TRIM2: variants seen among roughly 807,000 people sequenced by gnomAD.
TRIM2 encodes tripartite motif containing 2.
TRIM2 carries 20 observed loss-of-function variants against 75.2 expected under a neutral mutation model. That is an observed-to-expected ratio of 0.27 (90% CI 0.19 to 0.39). The LOEUF is 0.39. Ranked by LOEUF, TRIM2 falls within the 10% of genes least tolerant of loss-of-function variation. TRIM2 has a pLI of 1.00. For missense variants in TRIM2, 660 were observed against 990.8 expected (o/e 0.67, Z 4.48); for synonymous variants, 373 against 388.3 (o/e 0.96, Z 0.46).
intron 1 of TRIM2, among the ~76,000 whole-genome samples, chr4:153,258,377 G>A (rs1752590637): frequency 1.3e-5 from 2 of 151,158 alleles, no homozygotes; most frequent in Non-Finnish European, 2.9e-5. Flanking sequence ...CTCAATGATA[G>A]CATTACACAG....
chr4:153,328,757 T>C (rs1382651450), intron 11 of TRIM2, 87 bp downstream of exon 11: 1 of 1,423,710 alleles, frequency 7.0e-7, no homozygotes, highest in South Asian at 1.6e-5. Context: ...TGGAATGTTT[T>C]CTCTTTTCCA....
chr4:153,243,005 T>C (rs1747057796), intron 1 of TRIM2, among the ~76,000 whole-genome samples: 1 of 152,172 alleles, frequency 6.6e-6, no homozygotes, highest in Non-Finnish European at 1.5e-5. Context: ...CCCGGGCAGC[T>C]CTCTAGAGAA....
rs1762657767 is a variant in TRIM2 at position 153,295,849 on chromosome 4, C to A, written c.1323C>A (p.Gly441=). 1.2e-6 allele frequency: 2 copies of A among 1,614,126 alleles called. No homozygotes were observed. Among genetic ancestry groups the A allele is most frequent in the Non-Finnish European group, 1.7e-6 (2 of 1,180,016 alleles). ...GACTCTATGACCAGCACATCCGAGG[C>A]AGCCCGTTTAAGCTGAAAGTGATCC... ...SLRLYDQHIR[G]SPFKLKVIRS... Residue 441 remains glycine, a synonymous_variant, in exon 6 of 12, where the codon GGC becomes GGA. Transcript: ENST00000338700. This position sits in a 1 kb window ranked among gnomAD's most constrained non-coding sequence, Gnocchi z 7.2.
At chr4:153,246,459 T>C (rs1477892560) in intron 1 of TRIM2, among the ~76,000 whole-genome samples, 1 of 152,222 alleles carries the variant, frequency 6.6e-6, no homozygotes, top group African/African-American at 2.4e-5. Flanking sequence ...TAAAAATTGT[T>C]AATTGTCTGA....
chr4:153,200,842 G>A (rs191462936), upstream of TRIM2, among the ~76,000 whole-genome samples: 250 of 148,364 alleles, frequency 1.7e-3, 2 homozygotes, highest in African/African-American at 5.4e-3. Context: ...AATAGAGACC[G>A]GGTCTCACCA....
At chr4:153,230,992 A>G (rs918026701) in intron 1 of TRIM2, among the ~76,000 whole-genome samples, 1 of 152,238 alleles carries the variant, frequency 6.6e-6, no homozygotes, top group African/African-American at 2.4e-5. Flanking sequence ...CTTAGAAGCG[A>G]GGAAACTAAG....
In TRIM2 at chr4:153,248,001, T is replaced by TG. The variant is rs1046816767; in HGVS notation, c.31-22334_31-22333insG. Among the ~76,000 whole-genome samples, 3 of 150,638 alleles carry TG rather than the reference T, an allele frequency of 2.0e-5. No homozygotes were observed. Among genetic ancestry groups the TG allele is most frequent in the African/African-American group, 4.9e-5 (2 of 40,790 alleles). ...ATCAGGCATTGGATCATGTGTTTTT[T>TG]TTTTTTTTTTTTGAGATGGAGTCTC... On this transcript the variant is annotated intron_variant, in intron 1 of 11. Coordinates refer to ENST00000338700, the MANE Select transcript of TRIM2 (RefSeq NM_015271.5). The surrounding 1 kb of genome is among the most constrained non-coding windows in gnomAD (Gnocchi z 4.0).
At position 153,336,627 on chromosome 4, in the gene TRIM2, A is replaced by G; in HGVS notation, c.*1661A>G. The G allele has an allele frequency of 3.0e-6, 3 of 985,824 alleles. No homozygotes were observed. Among genetic ancestry groups the G allele is most frequent in the Non-Finnish European group, 3.6e-6 (3 of 829,912 alleles). The allele number at this position is 985,824 out of a possible 1,614,324, so 61.1% of individuals were successfully genotyped here. On this transcript the variant is annotated 3_prime_UTR_variant, in exon 12 of 12. Coordinates refer to ENST00000338700, the MANE Select transcript of TRIM2 (RefSeq NM_015271.5). ...TTCACTGAAAGCACCTTAGAACTGT[A>G]CTATAAGAAAACATTTCCCCTATGT...
At chr4:153,257,506 C>T (rs1251163785) in intron 1 of TRIM2, 14 of 1,278,754 alleles carry the variant, frequency 1.1e-5, no homozygotes, top group Admixed American at 2.4e-5. Flanking sequence ...AGCCTTCTCT[C>T]ATTTCCTCCA....
chr4:153,283,152 G>C (rs1759747179), intron 3 of TRIM2, among the ~76,000 whole-genome samples: 2 of 152,112 alleles, frequency 1.3e-5, no homozygotes, highest in African/African-American at 4.8e-5. Flanking sequence ...CATCACCACT[G>C]TCTAAATTTC....
At chr4:153,207,359 G>A (rs1358388695) in intron 1 of TRIM2, among the ~76,000 whole-genome samples, 1 of 152,210 alleles carries the variant, frequency 6.6e-6, no homozygotes, top group Non-Finnish European at 1.5e-5. Flanking sequence ...GGGGTTAAGA[G>A]CAAGAGCTTT....
At chr4:153,202,880 G>C (rs1734552740), upstream of TRIM2, among the ~76,000 whole-genome samples, 1 of 151,898 alleles carries the variant, frequency 6.6e-6, no homozygotes, top group African/African-American at 2.4e-5. Context: ...GCCGAGGTGG[G>C]CAGATCACGA....
chr4:153,319,340 T>C (rs553518908), intron 8 of TRIM2, among the ~76,000 whole-genome samples: 2 of 152,218 alleles, frequency 1.3e-5, no homozygotes, highest in South Asian at 4.1e-4. Flanking sequence ...TCTGGCCACC[T>C]TACTCTAAAA....
intron 1 of TRIM2, among the ~76,000 whole-genome samples, chr4:153,154,467 T>C (rs971239266): frequency 5.9e-5 from 9 of 152,176 alleles, no homozygotes; most frequent in African/African-American, 2.2e-4. Flanking sequence ...ATAATGGGTG[T>C]AACAGGATAA....
Position 153,295,914 on chromosome 4 carries a change from G to A in TRIM2, c.1388G>A (p.Arg463Lys), listed in dbSNP as rs1762670034. The A allele has an allele frequency of 6.2e-7, 1 of 1,610,228 alleles. No individual in the cohort carries two copies. Residue 463 changes from arginine to lysine, a missense_variant, in exon 6 of 12, where the codon AGG (arginine) becomes AAG (lysine). Coordinates refer to ENST00000338700, the MANE Select transcript of TRIM2 (RefSeq NM_015271.5). The surrounding 1 kb of genome is among the most constrained non-coding windows in gnomAD (Gnocchi z 7.2). ...TCTCCCACCACAGAAGGCGTGAAGAGGCGCGTTAAGTCCCCGGGGAGCGGC... is the reference window on the plus strand; with the variant it reads ...TCTCCCACCACAGAAGGCGTGAAGAAGCGCGTTAAGTCCCCGGGGAGCGGC... ...DVSPTTEGVK[R>K]RVKSPGSGHV...
chr4:153,300,865 CTT>C (rs1027050945), intron 6 of TRIM2, among the ~76,000 whole-genome samples: 1 of 146,168 alleles, frequency 6.8e-6, no homozygotes, highest in African/African-American at 2.5e-5. Context: ...GGTTCTTTGC[CTT>C]TTTTTTTTTA....
chr4:153,243,577 G>A (rs978623526), intron 1 of TRIM2, among the ~76,000 whole-genome samples: 2 of 152,150 alleles, frequency 1.3e-5, no homozygotes, highest in African/African-American at 4.8e-5. Context: ...CAACCTGATA[G>A]GCAGCCAGCT....
intron 1 of TRIM2, among the ~76,000 whole-genome samples, chr4:153,245,626 A>G (rs1346236597): frequency 2.0e-5 from 3 of 152,274 alleles, no homozygotes; most frequent in African/African-American, 7.2e-5. Context: ...ATATAATTTT[A>G]TTGAACACAG....
intron 1 of TRIM2, among the ~76,000 whole-genome samples, chr4:153,209,160 G>T (rs745625341): frequency 6.6e-6 from 1 of 152,220 alleles, no homozygotes; most frequent in Non-Finnish European, 1.5e-5. Context: ...TGGTGACCTT[G>T]GTGCACCCAA....
Sources: allele counts gnomAD v4.1 joint callset (sites outside exome capture counted in the v4.1 genomes callset), GRCh38; gene constraint gnomAD v4.1.1; non-coding constraint Gnocchi (gnomAD v3.1); transcripts MANE v1.5; gene names NCBI Gene and HGNC (gene_info 2026-07-23, HGNC 2026-07-21).